Variants in RIPOR2 observed in about 807,000 individuals in gnomAD.
RIPOR2 encodes RHO family interacting cell polarization regulator 2, also known as rho family-interacting cell polarization regulator 2.
In RIPOR2, 39 loss-of-function variants were observed where a neutral mutation model predicts 114.5. The ratio of observed to expected loss-of-function variants is 0.34; its 90% CI spans 0.26 to 0.44. The LOEUF (loss-of-function observed/expected upper bound fraction) is 0.44, where lower values mean the gene tolerates loss of function less well. RIPOR2 is among the 20% of genes least tolerant of loss of function. RIPOR2 has a pLI of 1.00. For synonymous variants in RIPOR2, 445 were observed against 484.4 expected (o/e 0.92, Z 1.07); for missense variants, 1,007 against 1,255.1 (o/e 0.80, Z 2.99).
chr6:24,984,145 G>A (rs897100499), intron 1 of RIPOR2, among the ~76,000 whole-genome samples: 2 of 152,144 alleles, frequency 1.3e-5, no homozygotes, highest in African/African-American at 2.4e-5. Context: ...ACATGAGAGA[G>A]AAAAAGAAAT....
At chr6:24,827,768 T>C (rs1458102387) in intron 18 of RIPOR2, among the ~76,000 whole-genome samples, 1 of 152,172 alleles carries the variant, frequency 6.6e-6, no homozygotes, top group Non-Finnish European at 1.5e-5. Context: ...AAACCCCATT[T>C]CTTCCTATTA....
rs756973085 is a variant in RIPOR2 at position 24,848,127 on chromosome 6, T to A, written c.1062A>T (p.Ala354=). The A allele has an allele frequency of 1.5e-5, 25 of 1,613,578 alleles. No individual in the cohort carries two copies. The highest frequency in any genetic ancestry group is 1.5e-4 in the South Asian group (14 of 91,010). ...CTGCCTTGTTCCCAGCGCCTGAGGA[T>A]GCGGTCATGTCCTCCACGTCAAATG... ...WYPFDVEDMT[A]SSGAGNKAAA... is the part of the protein sequence containing the mutation. Residue 354 remains alanine, a synonymous_variant, in exon 12 of 22, where the codon GCA becomes GCT. Coordinates refer to ENST00000643898, the MANE Select transcript of RIPOR2 (RefSeq NM_001286445.3).
intron 1 of RIPOR2, among the ~76,000 whole-genome samples, chr6:24,912,110 T>A (rs1024149551): frequency 7.9e-5 from 12 of 152,174 alleles, no homozygotes; most frequent in African/African-American, 2.9e-4. Context: ...ATAACTCACC[T>A]AGGAATACAA....
In RIPOR2 at chr6:24,966,177, C is replaced by T. The variant is rs924485883; in HGVS notation, c.76+75674G>A. ...TGTGGACCATGCTTCCCATCTGAGCCTGTCCTCACTTTATGAAGCTTAAAG... is the reference window on the plus strand; with the variant it reads ...TGTGGACCATGCTTCCCATCTGAGCTTGTCCTCACTTTATGAAGCTTAAAG... On this transcript the variant is annotated intron_variant, in intron 1 of 13. Transcript: ENST00000510784. Among the ~76,000 whole-genome samples the T allele has an allele frequency of 3.3e-5, 5 of 152,186 alleles. No individual in the cohort carries two copies. In the East Asian group the frequency reaches 9.6e-4, roughly 29 times the overall value.
intron 1 of RIPOR2, among the ~76,000 whole-genome samples, chr6:24,980,992 C>A (rs1381862646): frequency 6.6e-6 from 1 of 152,212 alleles, no homozygotes; most frequent in Admixed American, 6.5e-5. Context: ...TGTGGGATAA[C>A]TTTCTCCACC....
intron 1 of RIPOR2, among the ~76,000 whole-genome samples, chr6:25,039,331 G>T (rs1217474937): frequency 2.0e-5 from 3 of 152,238 alleles, no homozygotes; most frequent in Admixed American, 2.0e-4. Context: ...CAGGTCTTTT[G>T]TGAGTTGGAA....
chr6:24,964,712 A>C (rs1773450250), intron 1 of RIPOR2, among the ~76,000 whole-genome samples: 1 of 152,222 alleles, frequency 6.6e-6, no homozygotes, highest in Non-Finnish European at 1.5e-5. Context: ...GGAAATGCCA[A>C]ACTAATTTCC....
At chr6:24,892,496 A>T (rs903775607) in intron 1 of RIPOR2, among the ~76,000 whole-genome samples, 1 of 152,112 alleles carries the variant, frequency 6.6e-6, no homozygotes, top group South Asian at 2.1e-4. Context: ...TGGGACTCAA[A>T]TCTCACTCTA....
intron 19 of RIPOR2, among the ~76,000 whole-genome samples, chr6:24,821,427 G>A (rs1007883999): frequency 9.9e-5 from 15 of 151,964 alleles, no homozygotes; most frequent in Admixed American, 2.6e-4. Context: ...CAGGTGATGC[G>A]CCCGCCTCGG....
intron 11 of RIPOR2, among the ~76,000 whole-genome samples, chr6:24,848,511 G>T (rs984782644): frequency 6.6e-6 from 1 of 152,086 alleles, no homozygotes; most frequent in South Asian, 2.1e-4. Flanking sequence ...TGAACTTTGC[G>T]GGGCTAGATA....
At chr6:24,990,536 A>G (rs1224380796) in intron 1 of RIPOR2, among the ~76,000 whole-genome samples, 1 of 152,208 alleles carries the variant, frequency 6.6e-6, no homozygotes. Flanking sequence ...ACTTATGTTG[A>G]TACGAGTGAA....
At position 24,957,999 on chromosome 6, in the gene RIPOR2, A is replaced by G. The variant is rs2114215358; in HGVS notation, c.77-82182T>C. ...TCTTGAGTGTATGATGGTGACAAGT[A>G]ACATACTCTTAATAGTTTGATCTAG... is the stretch of plus-strand genomic sequence containing the variant. On this transcript the variant is annotated intron_variant, in intron 1 of 13. Transcript: ENST00000510784. 1.3e-5 allele frequency among the ~76,000 whole-genome samples: 2 copies of G among 152,366 alleles called. 1 individual carries two copies. Among genetic ancestry groups the G allele is most frequent in the South Asian group, 4.1e-4 (2 of 4,830 alleles).
intron 1 of RIPOR2, among the ~76,000 whole-genome samples, chr6:24,973,465 G>A (rs929199972): frequency 3.9e-5 from 6 of 152,020 alleles, no homozygotes; most frequent in African/African-American, 7.2e-5. Context: ...AATTAGATGG[G>A]TGTGGTGGCG....
chr6:24,890,067 G>A (rs1475028260), intron 1 of RIPOR2, among the ~76,000 whole-genome samples: 1 of 151,928 alleles, frequency 6.6e-6, no homozygotes, highest in African/African-American at 2.4e-5. Context: ...CTAATTTTTT[G>A]TATTTTTAGT....
intron 1 of RIPOR2, among the ~76,000 whole-genome samples, chr6:25,039,701 G>T (rs991230126): frequency 1.3e-5 from 2 of 152,126 alleles, no homozygotes; most frequent in African/African-American, 2.4e-5. Flanking sequence ...TTTTCTCAGT[G>T]ACGGATTCCA....
intron 14 of RIPOR2, among the ~76,000 whole-genome samples, chr6:24,837,089 T>C (rs1761178663): frequency 6.6e-6 from 1 of 152,176 alleles, no homozygotes; most frequent in African/African-American, 2.4e-5. Context: ...TCACAAATTC[T>C]ATCAAGCTAA....
At chr6:25,005,418 T>C (rs937824353) in intron 1 of RIPOR2, among the ~76,000 whole-genome samples, 16 of 152,218 alleles carry the variant, frequency 1.1e-4, no homozygotes, top group Non-Finnish European at 2.2e-4. Flanking sequence ...CTGCAGAGCA[T>C]CTATACAACA....
intron 1 of RIPOR2, among the ~76,000 whole-genome samples, chr6:24,973,543 G>T (rs1773890611): frequency 6.6e-6 from 1 of 150,636 alleles, no homozygotes; most frequent in Non-Finnish European, 1.5e-5. Context: ...ATTGCAGGGA[G>T]CTGAGATCAC....
rs80257472 is a variant in RIPOR2 at position 24,902,939 on chromosome 6, C to T, written c.62-27122G>A. ...TATTTGACCTTTTTCTGTGTCTGACCGTATAAACCAATCTAGTTATTTATT... is the reference window on the plus strand; with the variant it reads ...TATTTGACCTTTTTCTGTGTCTGACTGTATAAACCAATCTAGTTATTTATT... On this transcript the variant is annotated intron_variant, in intron 1 of 21. Coordinates refer to ENST00000643898, the MANE Select transcript of RIPOR2 (RefSeq NM_001286445.3). Among the ~76,000 whole-genome samples, 1,106 of 152,226 alleles carry T rather than the reference C, an allele frequency of 7.3e-3. 12 individuals carry two copies. Among genetic ancestry groups the T allele is most frequent in the African/African-American group, 0.023 (950 of 41,518 alleles).
Sources: allele counts gnomAD v4.1 joint callset (sites outside exome capture counted in the v4.1 genomes callset), GRCh38; gene constraint gnomAD v4.1.1; transcripts MANE v1.5; gene names NCBI Gene and HGNC (gene_info 2026-07-23, HGNC 2026-07-21).